Variants in KALRN observed in about 807,000 individuals in gnomAD.
The protein encoded by KALRN is kalirin RhoGEF kinase.
Under a neutral mutation model 353.7 loss-of-function variants are expected in KALRN, and 70 were observed. The ratio of observed to expected loss-of-function variants is 0.20; its 90% CI spans 0.16 to 0.24. The LOEUF is 0.24. Among genes scored for constraint, KALRN ranks in the 10% least tolerant of loss-of-function variants. KALRN has a pLI of 1.00. For synonymous variants in KALRN, 1,391 were observed against 1,434.8 expected (o/e 0.97, Z 0.69); for missense variants, 2,791 against 3,756.7 (o/e 0.74, Z 6.72).
chr3:124,384,123 CT>C (rs998008280), intron 10 of KALRN, among the ~76,000 whole-genome samples: 3 of 152,120 alleles, frequency 2.0e-5, no homozygotes, highest in Non-Finnish European at 4.4e-5. Context: ...AGTCGGTTGC[CT>C]TTTAAAATGC....
chr3:124,358,356 T>C (rs1198769057), intron 10 of KALRN, among the ~76,000 whole-genome samples: 1 of 152,198 alleles, frequency 6.6e-6, no homozygotes, highest in Non-Finnish European at 1.5e-5. Flanking sequence ...TTTAACCTTC[T>C]CACTCCGTTA....
chr3:124,332,962 T>A (rs1270395125), intron 8 of KALRN, among the ~76,000 whole-genome samples: 4 of 151,890 alleles, frequency 2.6e-5, no homozygotes, highest in Non-Finnish European at 4.4e-5. Context: ...GGGTAATTTA[T>A]AAAAAAAGAA....
At chr3:124,277,781 G>C (rs2074912141) in intron 5 of KALRN, among the ~76,000 whole-genome samples, 1 of 152,232 alleles carries the variant, frequency 6.6e-6, no homozygotes, top group Admixed American at 6.5e-5. Flanking sequence ...AGAGTGGAAG[G>C]TGCCAAGACC....
rs544375370 is a variant in KALRN, at chr3:124,041,175, A to G, written c.73+7362A>G. On this transcript the variant is annotated intron_variant, in intron 1 of 59. Coordinates refer to ENST00000682506, the MANE Select transcript of KALRN (RefSeq NM_001388419.1). ...GGGTTAAAAGGGGAGGGAAAAGTCT[A>G]TGAAGGAGGCTGAGAAGGTCAGACA... is the stretch of plus-strand genomic sequence containing the variant. 3.9e-5 allele frequency among the ~76,000 whole-genome samples: 6 copies of G among 152,286 alleles called. No homozygotes were observed. In the South Asian group the frequency reaches 8.3e-4, roughly 21 times the overall value.
chr3:124,368,034 GCGGAGGGC>G, intron 10 of KALRN, among the ~76,000 whole-genome samples: 1 of 40,510 alleles, frequency 2.5e-5, no homozygotes, highest in African/African-American at 1.1e-4. Context: ...GGCTGGCCGG[GCGGAGGGC>G]TGACCCCCCC....
intron 1 of KALRN, among the ~76,000 whole-genome samples, chr3:124,213,676 A>G (rs914646331): frequency 3.9e-5 from 6 of 152,076 alleles, no homozygotes; most frequent in Non-Finnish European, 7.4e-5. Context: ...TTTTATTTGA[A>G]TCTTCTTTTA....
chr3:124,410,281 C>A (rs774787642), intron 13 of KALRN: 1 of 532,864 alleles, frequency 1.9e-6, no homozygotes, highest in Non-Finnish European at 3.8e-6. Context: ...CAAATAGATA[C>A]CTCAGACTCA....
intron 5 of KALRN, among the ~76,000 whole-genome samples, chr3:124,270,828 T>TTTTTTTTTTTTTTTTTTTTTTTTTTTTG (rs2074073807): frequency 1.9e-5 from 1 of 51,530 alleles, no homozygotes; most frequent in Non-Finnish European, 4.4e-5. Context: ...TGTTTTGTTT[T>TTTTTTTTTTTTTTTTTTTTTTTTTTTTG]TTTTTTTTTT....
chr3:124,650,525 G>A (rs909173420), intron 37 of KALRN, among the ~76,000 whole-genome samples: 2 of 152,110 alleles, frequency 1.3e-5, no homozygotes, highest in Admixed American at 6.5e-5. Context: ...ATTACCTCTG[G>A]AGCTCTTAAC....
Position 124,329,903 on chromosome 3 carries a change from G to A in KALRN, c.1327G>A (p.Gly443Ser), listed in dbSNP as rs1181397779. ...TGCCTGGTGCAAGATGTGCAGTGAAGGTGGTCTGCCATCCGAGATGCAAGA... is the reference window on the plus strand; with the variant it reads ...TGCCTGGTGCAAGATGTGCAGTGAAAGTGGTCTGCCATCCGAGATGCAAGA... Reference protein sequence around the residue: ...VDAWCKMCSEGGLPSEMQDLE... With the variant: ...VDAWCKMCSESGLPSEMQDLE... The change falls in exon 8 of 60, where the codon GGT becomes AGT. Residue 443 changes from glycine to serine, a missense_variant. Around this residue, in one of 11 missense-constraint regions of KALRN, gnomAD observed 366 missense variants for 489.2 expected, o/e 0.75. Coordinates refer to ENST00000682506, the MANE Select transcript of KALRN (RefSeq NM_001388419.1). The A allele has an allele frequency of 1.9e-6, 3 of 1,613,882 alleles. No individual in the cohort carries two copies. The highest frequency in any genetic ancestry group is 2.5e-6 in the Non-Finnish European group (3 of 1,179,922).
chr3:124,244,762 T>G (rs2080909695), intron 3 of KALRN, among the ~76,000 whole-genome samples: 1 of 152,226 alleles, frequency 6.6e-6, no homozygotes, highest in Admixed American at 6.5e-5. Flanking sequence ...AATCTTTTTA[T>G]GTAAACCTTT....
chr3:124,159,655 C>A (rs991629665), intron 1 of KALRN, among the ~76,000 whole-genome samples: 9 of 151,462 alleles, frequency 5.9e-5, no homozygotes, highest in African/African-American at 2.2e-4. Flanking sequence ...TCTAGCTGTG[C>A]AGTAGCCCAT....
At chr3:124,653,658 G>A (rs1441557437) in intron 38 of KALRN, among the ~76,000 whole-genome samples, 1 of 152,200 alleles carries the variant, frequency 6.6e-6, no homozygotes, top group African/African-American at 2.4e-5. Context: ...AACAGCCAGT[G>A]CAATGAATCT....
chr3:124,609,179 A>G (rs113013418), intron 34 of KALRN, among the ~76,000 whole-genome samples: 84 of 152,304 alleles, frequency 5.5e-4, no homozygotes, highest in Non-Finnish European at 6.6e-4. Flanking sequence ...TAGGTGGATT[A>G]CAGAAACTTT....
At chr3:124,227,840 C>A (rs940658307) in intron 1 of KALRN, 150 bp from the exon 2 acceptor site, 7 of 703,888 alleles carry the variant, frequency 9.9e-6, no homozygotes. Flanking sequence ...CTGTTGCAGA[C>A]CCTCTCCTGG....
chr3:124,437,523 C>G (rs150450519), intron 17 of KALRN, among the ~76,000 whole-genome samples: 6 of 151,944 alleles, frequency 3.9e-5, no homozygotes, highest in African/African-American at 1.5e-4. Context: ...AACCCTGTCT[C>G]TACTAAAAAT....
At chr3:124,275,881 AGGTCACACTGG>A (rs2074665971) in intron 5 of KALRN, among the ~76,000 whole-genome samples, 1 of 152,200 alleles carries the variant, frequency 6.6e-6, no homozygotes, top group Non-Finnish European at 1.5e-5. Flanking sequence ...AGGAGCACAT[AGGTCACACTGG>A]GGTCACACCT....
chr3:124,713,109 C>G lies in KALRN; in HGVS notation c.8250C>G (p.Pro2750=), dbSNP rs1288829316. The change falls in exon 58 of 60, where the codon CCC becomes CCG. Residue 2750 remains proline, a synonymous_variant. Coordinates refer to ENST00000682506, the MANE Select transcript of KALRN (RefSeq NM_001388419.1). ...CTCTCCATGACACCTATGAGTCCCC[C>G]ACATCCTACATCCTGATCTTGGAAC... The part of the protein sequence containing the change: ...YITLHDTYES[P]TSYILILELM... 2 of 1,613,892 alleles carry G rather than the reference C, an allele frequency of 1.2e-6. No homozygotes were observed. The highest frequency in any genetic ancestry group is 1.7e-6 in the Non-Finnish European group (2 of 1,179,874).
intron 6 of KALRN, among the ~76,000 whole-genome samples, chr3:124,300,114 C>A (rs969896304): frequency 6.6e-6 from 1 of 152,152 alleles, no homozygotes; most frequent in Admixed American, 6.5e-5. Flanking sequence ...GTCTACCAGG[C>A]TCTTTTAAAT....
Sources: gnomAD v4.1 joint callset for allele counts (sites outside exome capture counted in the v4.1 genomes callset) on GRCh38, gnomAD v4.1.1 for gene constraint, gnomAD v4.1.1 regional missense constraint, MANE v1.5 for transcripts, NCBI Gene and HGNC (gene_info 2026-07-23, HGNC 2026-07-21) for gene names.